MECOM: variants seen among roughly 807,000 people sequenced by gnomAD.
MECOM encodes the protein histone-lysine N-methyltransferase MECOM.
In MECOM, 13 loss-of-function variants were observed where a neutral mutation model predicts 116.3. The observed-to-expected ratio is 0.11, with a 90% CI of 0.07 to 0.18. MECOM has a LOEUF of 0.18. Among genes scored for constraint, MECOM ranks in the 10% least tolerant of loss-of-function variants. The pLI is 1.00. For missense variants in MECOM, 1,299 were observed against 1,509.0 expected, an observed-to-expected ratio of 0.86 and a Z score of 2.31; for synonymous variants, 528 against 535.2, an observed-to-expected ratio of 0.99 and a Z score of 0.19.
chr3:169,209,397 CTG>C (rs1750401308), intron 2 of MECOM, among the ~76,000 whole-genome samples: 1 of 152,118 alleles, frequency 6.6e-6, no homozygotes, highest in Non-Finnish European at 1.5e-5. Flanking sequence ...GCAAAAGAAA[CTG>C]TCATCAGAGT....
chr3:169,294,370 A>C (rs1429356031), intron 2 of MECOM, among the ~76,000 whole-genome samples: 7 of 152,186 alleles, frequency 4.6e-5, no homozygotes, highest in Non-Finnish European at 8.8e-5. Flanking sequence ...TTCAGGGGAA[A>C]GTTAGCCAAA....
chr3:169,429,491 C>A (rs1479814013), intron 1 of MECOM, among the ~76,000 whole-genome samples: 1 of 152,172 alleles, frequency 6.6e-6, no homozygotes, highest in Non-Finnish European at 1.5e-5. Context: ...AGCATGCTAT[C>A]TGACCCATAG....
chr3:169,471,641 A>T (rs1265169042), intron 1 of MECOM, among the ~76,000 whole-genome samples: 1 of 152,140 alleles, frequency 6.6e-6, no homozygotes, highest in Non-Finnish European at 1.5e-5. Context: ...TACATTGCCT[A>T]AGTCCTATAT....
intron 2 of MECOM, among the ~76,000 whole-genome samples, chr3:169,355,011 A>G (rs1727018061): frequency 6.6e-6 from 1 of 151,936 alleles, no homozygotes; most frequent in Non-Finnish European, 1.5e-5. Context: ...AGGGCCTGAA[A>G]TGAGAAAATC....
At chr3:169,425,117 G>A (rs570584583) in intron 1 of MECOM, among the ~76,000 whole-genome samples, 74 of 146,506 alleles carry the variant, frequency 5.1e-4, no homozygotes, top group Middle Eastern at 3.6e-3. Context: ...CCACTTGCAT[G>A]TGCCTCAGAT....
intron 1 of MECOM, among the ~76,000 whole-genome samples, chr3:169,499,449 A>G (rs956025083): frequency 6.6e-6 from 1 of 151,774 alleles, no homozygotes. Flanking sequence ...AAGTATTTTC[A>G]AAGTTCCAAG....
In MECOM at chr3:169,633,966, C is replaced by T. The variant is rs75561450; in HGVS notation, c.37+29370G>A. Among the ~76,000 whole-genome samples the T allele has an allele frequency of 6.9e-3, 1,036 of 150,304 alleles. 13 individuals are homozygous for T. Among genetic ancestry groups the T allele is most frequent in the African/African-American group, 0.024 (991 of 40,870 alleles). On this transcript the variant is annotated intron_variant, in intron 1 of 16. Coordinates refer to ENST00000651503, the MANE Select transcript of MECOM (RefSeq NM_004991.4). The stretch of plus-strand genomic sequence containing the variant: ...CAGCAGGGGAGGAGTTGTTGAGAAA[C>T]GGCATGGCTTGTGTCCACACCACAG...
At chr3:169,575,382 T>C (rs1288509804) in intron 1 of MECOM, among the ~76,000 whole-genome samples, 2 of 152,146 alleles carry the variant, frequency 1.3e-5, no homozygotes, top group Non-Finnish European at 2.9e-5. Context: ...TAACAAACTC[T>C]ACCCTGGGGG....
chr3:169,654,155 A>G (rs977435871), intron 1 of MECOM, among the ~76,000 whole-genome samples: 4 of 152,214 alleles, frequency 2.6e-5, no homozygotes, highest in African/African-American at 7.2e-5. Flanking sequence ...ATTGAGTTAG[A>G]TATTATAAAG....
chr3:169,429,555 T>C (rs1023026320), intron 1 of MECOM, among the ~76,000 whole-genome samples: 2 of 152,136 alleles, frequency 1.3e-5, no homozygotes, highest in Non-Finnish European at 2.9e-5. Flanking sequence ...AGTAAACATA[T>C]TTTCTACCAG....
chr3:169,616,186 C>T (rs1769975103), intron 1 of MECOM, among the ~76,000 whole-genome samples: 1 of 152,170 alleles, frequency 6.6e-6, no homozygotes, highest in Admixed American at 6.5e-5. Flanking sequence ...TGGGAAACCT[C>T]TAAACATTGA....
chr3:169,324,372 TCTC>T (rs915674360), intron 2 of MECOM, among the ~76,000 whole-genome samples: 3 of 152,180 alleles, frequency 2.0e-5, no homozygotes, highest in Admixed American at 6.6e-5. Flanking sequence ...GATACACACT[TCTC>T]CTTTAAGAAA....
At chr3:169,558,485 C>A (rs1762286090) in intron 1 of MECOM, among the ~76,000 whole-genome samples, 1 of 152,138 alleles carries the variant, frequency 6.6e-6, no homozygotes, top group African/African-American at 2.4e-5. Flanking sequence ...GTGCTCACTG[C>A]CAAAATAGAT....
At chr3:169,173,499 G>A (rs1041570261) in intron 2 of MECOM, among the ~76,000 whole-genome samples, 2 of 152,100 alleles carry the variant, frequency 1.3e-5, no homozygotes, top group African/African-American at 4.8e-5. Flanking sequence ...AATTCAGTCT[G>A]GCAACTCTGA....
At chr3:169,489,633 T>A (rs1752837875) in intron 1 of MECOM, among the ~76,000 whole-genome samples, 1 of 152,078 alleles carries the variant, frequency 6.6e-6, no homozygotes, top group South Asian at 2.1e-4. Context: ...TATTAATAAA[T>A]CAGTGGGGAA....
intron 1 of MECOM, among the ~76,000 whole-genome samples, chr3:169,489,256 A>G (rs1752786654): frequency 1.3e-5 from 2 of 152,224 alleles, no homozygotes; most frequent in South Asian, 4.1e-4. Flanking sequence ...TTAACCTAGT[A>G]TTAAAGAAGG....
chr3:169,374,877 G>A (rs1474053245), intron 2 of MECOM, among the ~76,000 whole-genome samples: 6 of 151,564 alleles, frequency 4.0e-5, no homozygotes, highest in African/African-American at 9.7e-5. Flanking sequence ...TACAAAAGAT[G>A]TTTTTTTTAA....
intron 1 of MECOM, among the ~76,000 whole-genome samples, chr3:169,451,456 C>T (rs1745583840): frequency 6.6e-6 from 1 of 152,250 alleles, no homozygotes; most frequent in East Asian, 1.9e-4. Flanking sequence ...AGATAGAAAG[C>T]TCTGGCTTGG....
At chr3:169,191,791 A>AAAGG (rs1559974191) in intron 2 of MECOM, among the ~76,000 whole-genome samples, 1 of 144,158 alleles carries the variant, frequency 6.9e-6, no homozygotes, top group South Asian at 2.3e-4. Context: ...AGAAAGAAAG[A>AAAGG]AAGGGAGGGA....
Sources: gnomAD v4.1 joint callset for allele counts (sites outside exome capture counted in the v4.1 genomes callset) on GRCh38, gnomAD v4.1.1 for gene constraint, MANE v1.5 for transcripts, NCBI Gene and HGNC (gene_info 2026-07-23, HGNC 2026-07-21) for gene names.